The following RNF217 variants were observed in gnomAD, a reference collection of about 807,000 sequenced individuals.
RNF217 encodes the protein E3 ubiquitin-protein ligase RNF217.
Under a neutral mutation model 57.8 loss-of-function variants are expected in RNF217, and 31 were observed. The ratio of observed to expected loss-of-function variants is 0.54; its 90% CI spans 0.40 to 0.72. The LOEUF (loss-of-function observed/expected upper bound fraction) is 0.72, where lower values mean the gene tolerates loss of function less well. Ranked by LOEUF, RNF217 falls within the 30% of genes least tolerant of loss-of-function variation. The probability of loss-of-function intolerance (pLI) is 0.00; values close to 1 mark genes in which losing one functional copy is unlikely to be tolerated. For missense variants in RNF217, 696 were observed against 708.3 expected (o/e 0.98, Z 0.20); for synonymous variants, 313 against 294.0 (o/e 1.06, Z -0.66).
chr6:125,001,654 A>G (rs1263343922), intron 1 of RNF217, among the ~76,000 whole-genome samples: 2 of 152,230 alleles, frequency 1.3e-5, no homozygotes, highest in Non-Finnish European at 2.9e-5. Context: ...GAGTTCACAC[A>G]CTTGTCTTGG....
rs1788951495 is a variant in RNF217, at chr6:125,091,520, T to C, written c.*8583T>C. On this transcript the variant is annotated 3_prime_UTR_variant, in exon 6 of 6. Coordinates refer to ENST00000521654, the MANE Select transcript of RNF217 (RefSeq NM_001286398.3). ...CAATGTATTTTTCTTAAATTCATTGTTCATTTTTAAGCTAACCTATACAAA... is the reference window on the plus strand; with the variant it reads ...CAATGTATTTTTCTTAAATTCATTGCTCATTTTTAAGCTAACCTATACAAA... 1 of 152,106 alleles carries C rather than the reference T, an allele frequency of 6.6e-6. No homozygotes were observed. Among genetic ancestry groups the C allele is most frequent in the Non-Finnish European group, 1.5e-5 (1 of 67,962 alleles). The allele number at this position is 152,106 out of a possible 1,614,324, so 9.4% of individuals were successfully genotyped here.
chr6:125,065,220 G>T lies in RNF217; in HGVS notation c.1281+7114G>T, dbSNP rs185907842. ...GCAGGAGAATGGCTTGAACCCAGGA[G>T]GCAGAGGTTGCAGTGAGCCGAGATG... On this transcript the variant is annotated intron_variant, in intron 3 of 5. Coordinates refer to ENST00000521654, the MANE Select transcript of RNF217 (RefSeq NM_001286398.3). 2.4e-3 allele frequency among the ~76,000 whole-genome samples: 370 copies of T among 151,026 alleles called. 2 individuals carry two copies. Among genetic ancestry groups the T allele is most frequent in the African/African-American group, 8.7e-3 (354 of 40,924 alleles).
intron 1 of RNF217, among the ~76,000 whole-genome samples, chr6:124,976,308 A>C (rs1783960928): frequency 4.0e-5 from 2 of 49,384 alleles, no homozygotes; most frequent in South Asian, 1.5e-3. Context: ...CCTCCCTGTC[A>C]CCTGGGCTGG....
At position 125,092,420 on chromosome 6, in the gene RNF217, A is replaced by T. The variant is rs1489678785; in HGVS notation, c.*9483A>T. 9 of 152,190 alleles carry T rather than the reference A, an allele frequency of 5.9e-5. No individual in the cohort carries two copies. Among genetic ancestry groups the T allele is most frequent in the Admixed American group, 5.9e-4 (9 of 15,276 alleles). The allele number at this position is 152,190 out of a possible 1,614,324, so 9.4% of individuals were successfully genotyped here. On this transcript the variant is annotated 3_prime_UTR_variant, in exon 6 of 6. Transcript: ENST00000521654. Reference sequence around the variant, plus strand: ...ATTATTTTCGGTTGGTTGTTGTAGAATGGAAGAGTAATCTTAATTATGAAA... The same window carrying T: ...ATTATTTTCGGTTGGTTGTTGTAGATTGGAAGAGTAATCTTAATTATGAAA...
intron 1 of RNF217, among the ~76,000 whole-genome samples, chr6:125,014,399 A>C (rs1785529311): frequency 6.6e-6 from 1 of 152,216 alleles, no homozygotes; most frequent in African/African-American, 2.4e-5. Flanking sequence ...AGGAAACTGA[A>C]TTACAGAGAG....
At chr6:125,042,123 T>C (rs1022464064) in intron 1 of RNF217, among the ~76,000 whole-genome samples, 1 of 152,172 alleles carries the variant, frequency 6.6e-6, no homozygotes, top group Admixed American at 6.6e-5. Context: ...CTGAAAAAGA[T>C]ATGCATGTAG....
chr6:125,055,345 A>G (rs953804852), intron 2 of RNF217, among the ~76,000 whole-genome samples: 1 of 152,158 alleles, frequency 6.6e-6, no homozygotes, highest in Non-Finnish European at 1.5e-5. Context: ...TAGGATCTGC[A>G]GTAGGACTTG....
At chr6:125,052,364 T>C (rs1304353455) in intron 2 of RNF217, among the ~76,000 whole-genome samples, 1 of 151,546 alleles carries the variant, frequency 6.6e-6, no homozygotes, top group African/African-American at 2.4e-5. Flanking sequence ...TGGTCTGCTG[T>C]TGGTCCTCAG....
At chr6:125,022,032 C>T (rs951403114) in intron 1 of RNF217, among the ~76,000 whole-genome samples, 21 of 152,086 alleles carry the variant, frequency 1.4e-4, no homozygotes, top group Admixed American at 2.6e-4. Context: ...CAAGCATGCA[C>T]CACCACACCT....
rs1412787457 is a variant in RNF217 at position 125,084,048 on chromosome 6, G to A, written c.*1111G>A. 1 of 151,880 alleles carries A rather than the reference G, an allele frequency of 6.6e-6. No individual in the cohort carries two copies. Among genetic ancestry groups the A allele is most frequent in the Non-Finnish European group, 1.5e-5 (1 of 67,932 alleles). 9.4% of individuals were successfully genotyped at this position (151,880 alleles called of 1,614,324 possible). On this transcript the variant is annotated 3_prime_UTR_variant, in exon 6 of 6. Transcript: ENST00000521654. ...GTAATTATAGATAATTCTGCTTTAG[G>A]TCAAGGTCTTACATCATTTAATATC...
At chr6:125,037,127 G>T (rs1443704870) in intron 1 of RNF217, among the ~76,000 whole-genome samples, 1 of 149,212 alleles carries the variant, frequency 6.7e-6, no homozygotes, top group African/African-American at 2.4e-5. Flanking sequence ...ATATGGAAGT[G>T]GTATTGTTCT....
At chr6:125,009,696 C>T (rs1407407907) in intron 1 of RNF217, among the ~76,000 whole-genome samples, 1 of 151,890 alleles carries the variant, frequency 6.6e-6, no homozygotes, top group African/African-American at 2.4e-5. Context: ...AAAACGTAGA[C>T]AGATATCAAA....
chr6:124,972,315 A>G (rs557430483), intron 1 of RNF217, among the ~76,000 whole-genome samples: 2 of 152,120 alleles, frequency 1.3e-5, no homozygotes, highest in South Asian at 2.1e-4. Flanking sequence ...TCCCTCTCTC[A>G]GGCCTCTACC....
intron 2 of RNF217, among the ~76,000 whole-genome samples, chr6:125,047,568 A>G (rs924895927): frequency 5.9e-5 from 9 of 152,264 alleles, no homozygotes; most frequent in African/African-American, 1.9e-4. Context: ...AAATGGACCA[A>G]CATCTTAAAT....
Position 125,085,139 on chromosome 6 carries a change from T to C in RNF217, c.*2202T>C, listed in dbSNP as rs1234879260. On this transcript the variant is annotated 3_prime_UTR_variant, in exon 6 of 6. Coordinates refer to ENST00000521654, the MANE Select transcript of RNF217 (RefSeq NM_001286398.3). ...ACTCTTTTGTCTTGGATAATCTGTT[T>C]TCTGGGTTATGTATCTGTTGTCTTT... 1 of 151,900 alleles carries C rather than the reference T, an allele frequency of 6.6e-6. No individual in the cohort carries two copies. The highest frequency in any genetic ancestry group is 1.5e-5 in the Non-Finnish European group (1 of 67,844). The allele number at this position is 151,900 out of a possible 1,614,324, so 9.4% of individuals were successfully genotyped here. A position where few individuals can be genotyped will look rare whatever the true frequency, so the allele number is the denominator to read the frequency against.
chr6:124,998,255 A>ACCC (rs1784824271), intron 1 of RNF217, among the ~76,000 whole-genome samples: 1 of 151,916 alleles, frequency 6.6e-6, no homozygotes, highest in Non-Finnish European at 1.5e-5. Flanking sequence ...CCATGGATTC[A>ACCC]CCTTGTATGT....
intron 3 of RNF217, among the ~76,000 whole-genome samples, chr6:125,063,069 G>A (rs1465975393): frequency 1.3e-5 from 2 of 152,050 alleles, no homozygotes; most frequent in African/African-American, 2.4e-5. Flanking sequence ...AGTCTAGTTC[G>A]TAATAGTTTT....
At chr6:125,075,379 A>T (rs1392154831) in intron 3 of RNF217, among the ~76,000 whole-genome samples, 1 of 152,178 alleles carries the variant, frequency 6.6e-6, no homozygotes, top group African/African-American at 2.4e-5. Flanking sequence ...ATTTATAAAG[A>T]AAAGAGGTTT....
intron 1 of RNF217, among the ~76,000 whole-genome samples, chr6:124,993,331 A>C (rs766087375): frequency 1.1e-4 from 17 of 152,182 alleles, no homozygotes; most frequent in Non-Finnish European, 2.2e-4. Flanking sequence ...GCCTAGAACA[A>C]TAACTGGCAG....
Sources: allele counts gnomAD v4.1 joint callset (sites outside exome capture counted in the v4.1 genomes callset), GRCh38; gene constraint gnomAD v4.1.1; transcripts MANE v1.5; gene names NCBI Gene and HGNC (gene_info 2026-07-23, HGNC 2026-07-21).